STK3: variants seen among roughly 807,000 people sequenced by gnomAD.
STK3 encodes serine/threonine-protein kinase 3.
STK3 carries 41 observed loss-of-function variants against 58.0 expected under a neutral mutation model. The ratio of observed to expected loss-of-function variants is 0.71; its 90% confidence interval spans 0.55 to 0.92. The LOEUF is 0.92. Ranked by LOEUF, STK3 falls within the 40% of genes least tolerant of loss-of-function variation. STK3 has a pLI of 0.00. For missense variants in STK3, 479 were observed against 602.7 expected, an observed-to-expected ratio of 0.79 and a Z score of 2.15; for synonymous variants, 170 against 191.0, an observed-to-expected ratio of 0.89 and a Z score of 0.91.
intron 6 of STK3, among the ~76,000 whole-genome samples, chr8:98,670,850 C>T (rs1401444795): frequency 2.0e-5 from 3 of 152,162 alleles, no homozygotes; most frequent in African/African-American, 7.2e-5. Flanking sequence ...TCTCTGTCCT[C>T]ATCACCCTTC....
intron 6 of STK3, among the ~76,000 whole-genome samples, chr8:98,683,116 T>G (rs1324024152): frequency 1.3e-5 from 2 of 151,886 alleles, no homozygotes; most frequent in Non-Finnish European, 2.9e-5. Flanking sequence ...AAATTAAGGG[T>G]GCCCACTACT....
At chr8:98,453,092 T>G (rs1819276389), downstream of STK3, among the ~76,000 whole-genome samples, 2 of 80,574 alleles carry the variant, frequency 2.5e-5, 1 homozygote. Flanking sequence ...TTTTTTTTTT[T>G]TTTTTTTTTT....
chr8:98,475,953 GA>G (rs921782879), intron 10 of STK3, among the ~76,000 whole-genome samples: 1 of 152,216 alleles, frequency 6.6e-6, no homozygotes, highest in African/African-American at 2.4e-5. Flanking sequence ...ACGGTAAGCA[GA>G]GTATCACGAT....
intron 7 of STK3, among the ~76,000 whole-genome samples, chr8:98,590,020 C>A (rs1394805814): frequency 6.6e-6 from 1 of 152,192 alleles, no homozygotes; most frequent in Admixed American, 6.5e-5. Flanking sequence ...GTGAGATGAA[C>A]CGGGTACCTC....
intron 3 of STK3, among the ~76,000 whole-genome samples, chr8:98,856,484 G>A (rs914192577): frequency 6.6e-6 from 1 of 152,166 alleles, no homozygotes; most frequent in Non-Finnish European, 1.5e-5. Flanking sequence ...TCAAGGAGAC[G>A]CAAACTGAAG....
At chr8:98,754,608 C>T (rs533798362) in intron 3 of STK3, among the ~76,000 whole-genome samples, 3 of 151,874 alleles carry the variant, frequency 2.0e-5, no homozygotes, top group East Asian at 3.9e-4. Context: ...CTCCTGGGTT[C>T]GAGTGATTCT....
intron 7 of STK3, among the ~76,000 whole-genome samples, chr8:98,586,762 C>T (rs1586936463): frequency 6.6e-6 from 1 of 151,998 alleles, no homozygotes; most frequent in African/African-American, 2.4e-5. Context: ...TTGATTATTG[C>T]CACAATTTCA....
chr8:98,739,303 C>G lies in STK3; in HGVS notation c.351+9973G>C, dbSNP rs551030859. 1.2e-4 allele frequency among the ~76,000 whole-genome samples: 19 copies of G among 152,350 alleles called. No individual in the cohort carries two copies. The East Asian group carries it at 3.3e-3, about 26-fold the overall frequency. On this transcript the variant is annotated intron_variant, in intron 4 of 10. Transcript: ENST00000419617. ...GCAGACTGCCTCCTCAAGTGGGTCC[C>G]TGACCCCTGACCCTGGAGCAGCCTA...
At chr8:98,884,230 A>G (rs1314231264) in intron 1 of STK3, among the ~76,000 whole-genome samples, 2 of 152,154 alleles carry the variant, frequency 1.3e-5, no homozygotes, top group Admixed American at 1.3e-4. Flanking sequence ...GAAAGTCTTC[A>G]GGATATTTCT....
At chr8:98,670,255 G>C (rs1822724840) in intron 6 of STK3, among the ~76,000 whole-genome samples, 1 of 152,046 alleles carries the variant, frequency 6.6e-6, no homozygotes, top group African/African-American at 2.4e-5. Flanking sequence ...TATAGTACCA[G>C]CTACTCCAGA....
intron 6 of STK3, among the ~76,000 whole-genome samples, chr8:98,611,778 T>A (rs1156786214): frequency 6.6e-6 from 1 of 152,270 alleles, no homozygotes; most frequent in East Asian, 1.9e-4. Flanking sequence ...TGTCTAGGCC[T>A]AGGTTGGTTG....
At chr8:98,753,617 TTAAAA>T (rs1401720374) in intron 3 of STK3, among the ~76,000 whole-genome samples, 5 of 151,656 alleles carry the variant, frequency 3.3e-5, no homozygotes, top group Non-Finnish European at 4.4e-5. Flanking sequence ...ACCTCTGAAC[TTAAAA>T]TAAAAGTTAA....
At chr8:98,832,714 T>G (rs1284661693) in intron 3 of STK3, among the ~76,000 whole-genome samples, 1 of 152,082 alleles carries the variant, frequency 6.6e-6, no homozygotes, top group Admixed American at 6.5e-5. Context: ...GTCCATTCAG[T>G]TGGCTGCGGG....
At chr8:98,824,397 A>T (rs1300775044) in intron 1 of STK3, among the ~76,000 whole-genome samples, 1 of 152,226 alleles carries the variant, frequency 6.6e-6, no homozygotes, top group Non-Finnish European at 1.5e-5. Context: ...TTCAATTCAG[A>T]GTTGTTCAAA....
chr8:98,376,510 A>AT (rs112183309), intron 2 of STK3, among the ~76,000 whole-genome samples: 36,147 of 152,060 alleles, frequency 0.24, 4,362 homozygotes, highest in East Asian at 0.34. Flanking sequence ...GGTCGCATAG[A>AT]TTTTTTCCTA....
At chr8:98,395,598 G>T (rs931737014) in intron 3 of STK3, among the ~76,000 whole-genome samples, 3 of 152,128 alleles carry the variant, frequency 2.0e-5, no homozygotes, top group Non-Finnish European at 2.9e-5. Flanking sequence ...CATTATTTTG[G>T]CTACAACCTT....
intron 8 of STK3, among the ~76,000 whole-genome samples, chr8:98,552,212 C>T (rs943333666): frequency 1.2e-4 from 18 of 152,226 alleles, no homozygotes; most frequent in Admixed American, 2.6e-4. Flanking sequence ...TCTTCTCCCA[C>T]TTGGAGCATG....
chr8:98,631,310 G>A (rs932974212), intron 6 of STK3, among the ~76,000 whole-genome samples: 2 of 152,140 alleles, frequency 1.3e-5, no homozygotes, highest in African/African-American at 4.8e-5. Flanking sequence ...TAAAGGTCCT[G>A]CCGTGGTTTA....
chr8:98,595,917 AG>A, intron 7 of STK3, 114 bp downstream of exon 7: 1 of 1,168,328 alleles, frequency 8.6e-7, no homozygotes, highest in Non-Finnish European at 1.2e-6. Context: ...ACAGGAGGGG[AG>A]GGGAGGTTTA....
Sources: gnomAD v4.1 joint callset for allele counts (sites outside exome capture counted in the v4.1 genomes callset) on GRCh38, gnomAD v4.1.1 for gene constraint, MANE v1.5 for transcripts, NCBI Gene and HGNC (gene_info 2026-07-23, HGNC 2026-07-21) for gene names.